Variants in ANKS1A observed in about 807,000 individuals in gnomAD.
The protein encoded by ANKS1A is ankyrin repeat and SAM domain-containing protein 1A.
In ANKS1A, 55 loss-of-function variants were observed where a neutral mutation model predicts 120.3. The observed-to-expected ratio is 0.46, with a 90% CI of 0.37 to 0.57. ANKS1A has a LOEUF of 0.57. ANKS1A is among the 20% of genes least tolerant of loss of function. The pLI is 0.00. For synonymous variants in ANKS1A, 590 were observed against 604.7 expected (o/e 0.98, Z 0.36); for missense variants, 1,123 against 1,480.3 (o/e 0.76, Z 3.96).
intron 1 of ANKS1A, among the ~76,000 whole-genome samples, chr6:34,892,023 G>T (rs1035869444): frequency 6.6e-6 from 1 of 152,218 alleles, no homozygotes; most frequent in African/African-American, 2.4e-5. Flanking sequence ...GCAAGACTAG[G>T]AAACCTGTTG....
chr6:34,968,858 T>G (rs1172672512), intron 2 of ANKS1A, among the ~76,000 whole-genome samples: 1 of 152,242 alleles, frequency 6.6e-6, no homozygotes, highest in Non-Finnish European at 1.5e-5. Flanking sequence ...TGACCCACCC[T>G]AATTGACTCC....
At chr6:35,022,624 G>A (rs1774401423) in intron 11 of ANKS1A, among the ~76,000 whole-genome samples, 1 of 152,200 alleles carries the variant, frequency 6.6e-6, no homozygotes, top group South Asian at 2.1e-4. Context: ...CTCCAGTCAA[G>A]TCAAAGCACT....
chr6:34,967,367 G>A (rs1240087286), intron 2 of ANKS1A, 48 bp downstream of exon 2: 30 of 1,580,906 alleles, frequency 1.9e-5, no homozygotes, highest in Middle Eastern at 1.7e-4. Flanking sequence ...CAGAACCCAG[G>A]CCTTCACGTT....
At chr6:34,992,240 A>G (rs1156790577) in intron 9 of ANKS1A, among the ~76,000 whole-genome samples, 1 of 152,218 alleles carries the variant, frequency 6.6e-6, no homozygotes, top group African/African-American at 2.4e-5. Context: ...TCTACGAATG[A>G]AAGAGCAGAA....
rs529880264 is a variant in ANKS1A at position 35,084,216 on chromosome 6, G to A, written c.3090G>A (p.Gln1030=). Residue 1030 remains glutamine, a synonymous_variant, in exon 21 of 24, where the codon CAG becomes CAA. Transcript: ENST00000360359. The surrounding 1 kb of genome is among the most constrained non-coding windows in gnomAD (Gnocchi z 4.8). ...CTFAYITKDL[Q]TSHHYCHVFS... is the part of the protein sequence containing the mutation. The stretch of plus-strand genomic sequence containing the variant: ...TTGCCTACATCACCAAGGACCTGCA[G>A]ACCAGCCACCACTATTGCCATGTGT... 2.5e-6 allele frequency: 4 copies of A among 1,614,196 alleles called. No individual in the cohort carries two copies. In the South Asian group the frequency reaches 3.3e-5, roughly 13 times the overall value.
In ANKS1A at chr6:34,982,874, G is replaced by A. The variant is rs754243073; in HGVS notation, c.808+47G>A. 6.2e-7 allele frequency: 1 copy of A among 1,612,724 alleles called. No individual in the cohort carries two copies. The highest frequency in any genetic ancestry group is 1.1e-5 in the South Asian group (1 of 91,040). Reference sequence around the variant, plus strand: ...TGTCTACACAGCGTGCCAGGGTTGGGATTGTTTCTCCCTAGTCCCCTAGGG... The same window carrying A: ...TGTCTACACAGCGTGCCAGGGTTGGAATTGTTTCTCCCTAGTCCCCTAGGG... On this transcript the variant is annotated intron_variant, in intron 5 of 23. Transcript: ENST00000360359. This position sits in a 1 kb window ranked among gnomAD's most constrained non-coding sequence, Gnocchi z 4.9.
downstream of ANKS1A, among the ~76,000 whole-genome samples, chr6:35,096,316 TGTCCTTTCTGGAAA>T (rs750498653): frequency 4.6e-5 from 7 of 152,242 alleles, no homozygotes; most frequent in Non-Finnish European, 1.0e-4. Flanking sequence ...AAAGACTTTT[TGTCCTTTCTGGAAA>T]GTCCTTTCTG....
chr6:34,900,227 T>G (rs1031764754), intron 1 of ANKS1A, among the ~76,000 whole-genome samples: 2 of 152,220 alleles, frequency 1.3e-5, no homozygotes, highest in Non-Finnish European at 2.9e-5. Context: ...TCTTTGTGAT[T>G]CCAAAACTTT....
At position 35,091,021 on chromosome 6, in the gene ANKS1A, GA is replaced by G; in HGVS notation, c.*2413del. The G allele has an allele frequency of 1.0e-6, 1 of 985,934 alleles. No homozygotes were observed. Among genetic ancestry groups the G allele is most frequent in the Non-Finnish European group, 1.2e-6 (1 of 829,972 alleles). The allele number at this position is 985,934 out of a possible 1,614,324, so 61.1% of individuals were successfully genotyped here. A position where few individuals can be genotyped will look rare whatever the true frequency, so the allele number is the denominator to read the frequency against. On this transcript the variant is annotated 3_prime_UTR_variant, in exon 24 of 24. Coordinates refer to ENST00000360359, the MANE Select transcript of ANKS1A (RefSeq NM_015245.3). ...CAGGGAGCAGGCAGAGCTGCAGTCA[GA>G]GACATTAGAAAACCAGTCTGAATTG...
At chr6:35,092,510 T>C (rs1778339903), downstream of ANKS1A, among the ~76,000 whole-genome samples, 1 of 152,186 alleles carries the variant, frequency 6.6e-6, no homozygotes, top group Admixed American at 6.5e-5. Flanking sequence ...TAGGCCACAC[T>C]GCGTTGAGTT....
intron 1 of ANKS1A, 45 bp from the exon 2 acceptor site, chr6:34,967,194 C>T (rs761566982): frequency 4.4e-6 from 7 of 1,592,972 alleles, no homozygotes; most frequent in African/African-American, 2.7e-5. Flanking sequence ...TTTGTGACTT[C>T]GGTCTGTGAA....
chr6:35,063,386 C>T (rs1156629940), intron 13 of ANKS1A, among the ~76,000 whole-genome samples: 2 of 152,226 alleles, frequency 1.3e-5, no homozygotes, highest in Non-Finnish European at 2.9e-5. Context: ...GGCGTGCTAG[C>T]GCAGGTCTGA....
In ANKS1A at chr6:35,084,365, G is replaced by C. The variant is rs1291020795; in HGVS notation, c.3132+107G>C. The C allele has an allele frequency of 6.9e-7, 1 of 1,445,664 alleles. No homozygotes were observed. The highest frequency in any genetic ancestry group is 2.5e-4 in the Middle Eastern group (1 of 3,950). 89.6% of individuals were successfully genotyped at this position (1,445,664 alleles called of 1,614,324 possible). On this transcript the variant is annotated intron_variant, in intron 21 of 23. Coordinates refer to ENST00000360359, the MANE Select transcript of ANKS1A (RefSeq NM_015245.3). The surrounding 1 kb of genome is among the most constrained non-coding windows in gnomAD (Gnocchi z 4.8). Reference sequence around the variant, plus strand: ...GGCGCTGTCCTGGCCCCTGGCCAGTGCCTGGCAAATGTTTGGTTCATGAAT... The same window carrying C: ...GGCGCTGTCCTGGCCCCTGGCCAGTCCCTGGCAAATGTTTGGTTCATGAAT...
At chr6:34,940,171 C>G (rs564890995) in intron 1 of ANKS1A, among the ~76,000 whole-genome samples, 1 of 152,234 alleles carries the variant, frequency 6.6e-6, no homozygotes, top group African/African-American at 2.4e-5. Context: ...AGTTGAGATT[C>G]CACATAGTGA....
intron 13 of ANKS1A, among the ~76,000 whole-genome samples, chr6:35,072,685 G>A (rs1359643040): frequency 3.9e-5 from 6 of 152,210 alleles, no homozygotes; most frequent in Non-Finnish European, 8.8e-5. Flanking sequence ...TACAGTTAAA[G>A]GAACAGTGTC....
intron 11 of ANKS1A, among the ~76,000 whole-genome samples, chr6:35,034,594 C>T (rs115299627): frequency 0.012 from 1,774 of 152,278 alleles, 42 homozygotes; most frequent in African/African-American, 0.04. Flanking sequence ...TTAGACAGTG[C>T]CTCTCACTTA....
chr6:35,069,310 A>G (rs1581730994), intron 13 of ANKS1A, among the ~76,000 whole-genome samples: 1 of 142,064 alleles, frequency 7.0e-6, no homozygotes, highest in South Asian at 2.3e-4. Context: ...CCCAACCCCC[A>G]CCATTGTCCC....
chr6:34,948,118 G>C (rs1769892561), intron 1 of ANKS1A, among the ~76,000 whole-genome samples: 2 of 149,944 alleles, frequency 1.3e-5, no homozygotes, highest in African/African-American at 4.9e-5. Context: ...GTGCCATGTT[G>C]GTTTGCTGCA....
At chr6:34,907,963 G>A (rs1306578217) in intron 1 of ANKS1A, among the ~76,000 whole-genome samples, 1 of 152,104 alleles carries the variant, frequency 6.6e-6, no homozygotes, top group Non-Finnish European at 1.5e-5. Flanking sequence ...AGGCTGAGTT[G>A]GGAGGATTGC....
Sources: gnomAD v4.1 joint callset for allele counts (sites outside exome capture counted in the v4.1 genomes callset) on GRCh38, gnomAD v4.1.1 for gene constraint, Gnocchi (gnomAD v3.1) non-coding constraint, MANE v1.5 for transcripts, NCBI Gene and HGNC (gene_info 2026-07-23, HGNC 2026-07-21) for gene names.